CXCL13: variants seen among roughly 807,000 people sequenced by gnomAD.
The protein encoded by CXCL13 is C-X-C motif chemokine ligand 13, also known as C-X-C motif chemokine 13.
A neutral mutation model predicts 12.2 loss-of-function variants in CXCL13; 7 were observed. That is an observed-to-expected ratio of 0.57 (90% CI 0.33 to 1.07). The LOEUF (loss-of-function observed/expected upper bound fraction) is 1.07, where lower values mean the gene tolerates loss of function less well. CXCL13 is among the 50% of genes least tolerant of loss of function. CXCL13 has a pLI of 0.04. For missense variants in CXCL13, 113 were observed against 127.4 expected (o/e 0.89, Z 0.55); for synonymous variants, 47 against 42.4 (o/e 1.11, Z -0.42).
intron 1 of CXCL13, among the ~76,000 whole-genome samples, chr4:77,525,155 G>A (rs1190923994): frequency 1.3e-5 from 2 of 152,196 alleles, no homozygotes; most frequent in Non-Finnish European, 2.9e-5. Flanking sequence ...TTTCTCTGAT[G>A]CTGGCCACAT....
At chr4:77,553,407 C>T (rs6822416) in intron 1 of CXCL13, among the ~76,000 whole-genome samples, 1 of 152,224 alleles carries the variant, frequency 6.6e-6, no homozygotes, top group African/African-American at 2.4e-5. Flanking sequence ...AAAATGGTGT[C>T]CTGCCCTCAG....
intron 1 of CXCL13, among the ~76,000 whole-genome samples, chr4:77,528,938 C>G (rs1481954693): frequency 6.6e-6 from 1 of 152,170 alleles, no homozygotes; most frequent in Non-Finnish European, 1.5e-5. Flanking sequence ...TTTAATCCAT[C>G]TTGAATTAAT....
intron 1 of CXCL13, among the ~76,000 whole-genome samples, chr4:77,542,843 T>C (rs1308011435): frequency 6.6e-6 from 1 of 152,184 alleles, no homozygotes; most frequent in East Asian, 1.9e-4. Flanking sequence ...GTTGTGCCTT[T>C]GCCAGGTTTT....
At chr4:77,607,229 C>T (rs1158281154) in intron 1 of CXCL13, among the ~76,000 whole-genome samples, 1 of 152,202 alleles carries the variant, frequency 6.6e-6, no homozygotes, top group East Asian at 1.9e-4. Context: ...TTGTAAGTCC[C>T]TACAGAGGCT....
At chr4:77,549,734 C>G (rs542915840) in intron 1 of CXCL13, among the ~76,000 whole-genome samples, 1 of 152,178 alleles carries the variant, frequency 6.6e-6, no homozygotes, top group Non-Finnish European at 1.5e-5. Flanking sequence ...GGGCACCCAG[C>G]TGTATGAGGT....
chr4:77,518,463 G>C (rs1342125766), intron 1 of CXCL13, among the ~76,000 whole-genome samples: 2 of 152,066 alleles, frequency 1.3e-5, no homozygotes, highest in East Asian at 1.9e-4. Flanking sequence ...TTTTCACATA[G>C]TCCCATATTT....
At chr4:77,523,020 A>G (rs901051810) in intron 1 of CXCL13, among the ~76,000 whole-genome samples, 5 of 152,176 alleles carry the variant, frequency 3.3e-5, no homozygotes, top group Admixed American at 1.3e-4. Flanking sequence ...TTTCTTTAAG[A>G]ATGTTGAATA....
chr4:77,512,256 A>G (rs1273880034), intron 1 of CXCL13, among the ~76,000 whole-genome samples: 1 of 152,234 alleles, frequency 6.6e-6, no homozygotes, highest in African/African-American at 2.4e-5. Context: ...TTACAGCATT[A>G]AATAAATTTA....
intron 1 of CXCL13, among the ~76,000 whole-genome samples, chr4:77,597,500 G>T (rs1049222857): frequency 2.6e-5 from 4 of 152,140 alleles, no homozygotes; most frequent in African/African-American, 9.7e-5. Flanking sequence ...TGCCATGAGT[G>T]AATCTAGCCT....
chr4:77,571,715 G>T (rs1041674110), intron 1 of CXCL13, among the ~76,000 whole-genome samples: 1 of 151,772 alleles, frequency 6.6e-6, no homozygotes, highest in African/African-American at 2.4e-5. Context: ...ATAAAAGCAG[G>T]CTGCCGGAGC....
chr4:77,552,006 GT>G (rs1468582174), intron 1 of CXCL13, among the ~76,000 whole-genome samples: 1 of 151,846 alleles, frequency 6.6e-6, no homozygotes, highest in Non-Finnish European at 1.5e-5. Context: ...AAGTTTCTTT[GT>G]GTTGATTTTC....
chr4:77,545,657 C>T lies in CXCL13; in HGVS notation c.-43+33869C>T, dbSNP rs150786538. Among the ~76,000 whole-genome samples, 676 of 152,080 alleles carry T rather than the reference C, an allele frequency of 4.4e-3. 17 individuals carry two copies. Among genetic ancestry groups the T allele is most frequent in the East Asian group, 0.026 (137 of 5,174 alleles). On this transcript the variant is annotated intron_variant, in intron 1 of 4. Coordinates refer to the CXCL13 transcript ENST00000286758. Reference sequence around the variant, plus strand: ...TTAAGGAGATTTTGGGCTGAGATGACGGGGTTTTCTAAATATACAATCACA... The same window carrying T: ...TTAAGGAGATTTTGGGCTGAGATGATGGGGTTTTCTAAATATACAATCACA...
At chr4:77,519,592 T>C (rs1163630674) in intron 1 of CXCL13, among the ~76,000 whole-genome samples, 3 of 152,244 alleles carry the variant, frequency 2.0e-5, no homozygotes, top group African/African-American at 7.2e-5. Flanking sequence ...TTGTTTGAGT[T>C]CTTTGTAGAT....
rs762496301 is a variant in CXCL13, at chr4:77,605,890, C to T, written c.25C>T (p.Leu9Phe). MKFISTSL[L>F]LMLLVSSLSP... ...AATGAAGTTCATCTCGACATCTCTG[C>T]TTCTCATGCTGCTGGTCAGCAGCCT... Residue 9 changes from leucine (L) to phenylalanine (F), a missense_variant, in exon 1 of 4, where the codon CTT becomes TTT. Leu to Phe is a conservative substitution (Grantham distance 22). Coordinates refer to ENST00000682537, the MANE Select transcript of CXCL13 (RefSeq NM_001371558.1). 3.1e-6 allele frequency: 5 copies of T among 1,607,220 alleles called. No individual in the cohort carries two copies. In the Admixed American group the frequency reaches 8.4e-5, roughly 27 times the overall value.
intron 1 of CXCL13, among the ~76,000 whole-genome samples, chr4:77,560,132 G>T (rs771381561): frequency 1.3e-5 from 2 of 151,924 alleles, no homozygotes; most frequent in Non-Finnish European, 2.9e-5. Flanking sequence ...TTTACTATGA[G>T]CCAGGCCCTG....
At chr4:77,594,884 C>G (rs1011489416) in intron 1 of CXCL13, among the ~76,000 whole-genome samples, 3 of 151,828 alleles carry the variant, frequency 2.0e-5, no homozygotes, top group Non-Finnish European at 4.4e-5. Flanking sequence ...CAAACTTGCA[C>G]GTCCTGCACA....
At position 77,610,694 on chromosome 4, in the gene CXCL13, A is replaced by C; in HGVS notation, c.278A>C (p.Lys93Thr). The C allele has an allele frequency of 6.2e-7, 1 of 1,609,020 alleles. No individual in the cohort carries two copies. Among genetic ancestry groups the C allele is most frequent in the Non-Finnish European group, 8.5e-7 (1 of 1,175,300 alleles). The part of the protein sequence containing the change: ...WIQRMMEVLR[K>T]RSSSTLPVPV... Reference sequence around the variant, plus strand: ...CAAAGAATGATGGAAGTATTGAGAAAGTAAGTTAGGCATAACAAGGGGTTT... The same window carrying C: ...CAAAGAATGATGGAAGTATTGAGAACGTAAGTTAGGCATAACAAGGGGTTT... Residue 93 changes from lysine to threonine, a missense_variant and splice_region_variant, in exon 3 of 4, where the codon AAA (lysine) becomes ACA (threonine). By Grantham distance (78) the Lys-to-Thr change is moderately conservative (BLOSUM62 -1). Transcript: ENST00000682537.
intron 1 of CXCL13, among the ~76,000 whole-genome samples, chr4:77,521,253 C>G (rs188734777): frequency 6.6e-6 from 1 of 152,276 alleles, no homozygotes; most frequent in Non-Finnish European, 1.5e-5. Flanking sequence ...GGAGGACTCC[C>G]TCTTTTTCTA....
chr4:77,534,088 A>T (rs1012424909), intron 1 of CXCL13, among the ~76,000 whole-genome samples: 3 of 152,172 alleles, frequency 2.0e-5, no homozygotes, highest in Admixed American at 6.5e-5. Context: ...CTGGTACCTC[A>T]GTTGGAAATG....
Sources: allele counts gnomAD v4.1 joint callset (sites outside exome capture counted in the v4.1 genomes callset), GRCh38; gene constraint gnomAD v4.1.1; transcripts MANE v1.5; gene names NCBI Gene and HGNC (gene_info 2026-07-23, HGNC 2026-07-21).